ASAP1: variants seen among roughly 807,000 people sequenced by gnomAD.
The protein encoded by ASAP1 is arf-GAP with SH3 domain, ANK repeat and PH domain-containing protein 1.
A neutral mutation model predicts 145.2 loss-of-function variants in ASAP1; 43 were observed. The ratio of observed to expected loss-of-function variants is 0.30; its 90% confidence interval spans 0.23 to 0.38. ASAP1 has a LOEUF of 0.38. ASAP1 is among the 10% of genes least tolerant of loss of function. The pLI, the probability that ASAP1 is intolerant of heterozygous loss-of-function variation, is 1.00. For synonymous variants in ASAP1, 546 were observed against 515.5 expected (o/e 1.06, Z -0.80); for missense variants, 1,018 against 1,355.3 (o/e 0.75, Z 3.91).
rs1388974155 is a variant in ASAP1 at position 130,124,111 on chromosome 8, C to G, written c.1516-7G>C. 4.4e-6 allele frequency: 7 copies of G among 1,585,260 alleles called. No homozygotes were observed. In the African/African-American group the frequency reaches 8.2e-5, roughly 19 times the overall value. On this transcript the variant is annotated splice_polypyrimidine_tract_variant and splice_region_variant and intron_variant, in intron 17 of 29. Coordinates refer to ENST00000518721, the MANE Select transcript of ASAP1 (RefSeq NM_018482.4). ...TTCCTACATTCTTGGCCAGCTGTAA[C>G]AGAAAAAACAAACAACCACAATATA...
intron 1 of ASAP1, among the ~76,000 whole-genome samples, chr8:130,413,787 C>G (rs992351167): frequency 6.6e-6 from 1 of 152,200 alleles, no homozygotes; most frequent in Admixed American, 6.5e-5. Flanking sequence ...AAAAGGAGAT[C>G]AGTTCCTCAC....
At chr8:130,285,308 C>T (rs986599636) in intron 3 of ASAP1, among the ~76,000 whole-genome samples, 1 of 151,924 alleles carries the variant, frequency 6.6e-6, no homozygotes, top group Non-Finnish European at 1.5e-5. Context: ...GAGTTGTAAA[C>T]CACCAAGTTG....
At chr8:130,083,306 C>A (rs1205900642) in intron 25 of ASAP1, 1 of 152,180 alleles carries the variant, frequency 6.6e-6, no homozygotes, top group Non-Finnish European at 1.5e-5. Flanking sequence ...GTTCCTTTTC[C>A]CTGCAAGGAA....
chr8:130,396,154 G>C (rs1266094181), intron 2 of ASAP1, among the ~76,000 whole-genome samples: 1 of 152,200 alleles, frequency 6.6e-6, no homozygotes, highest in African/African-American at 2.4e-5. Context: ...AAAAAATAAA[G>C]TATACATGTA....
chr8:130,286,253 T>C (rs1821604861), intron 3 of ASAP1, among the ~76,000 whole-genome samples: 1 of 152,196 alleles, frequency 6.6e-6, no homozygotes, highest in Non-Finnish European at 1.5e-5. Context: ...AAATAGGCTT[T>C]GGCGAAAACT....
chr8:130,146,193 G>A (rs7826683), intron 13 of ASAP1, among the ~76,000 whole-genome samples: 360 of 152,034 alleles, frequency 2.4e-3, no homozygotes, highest in African/African-American at 8.3e-3. Flanking sequence ...GTGGGCAGGA[G>A]GTAACATCAC....
At chr8:130,440,263 C>A (rs929408208) in intron 1 of ASAP1, among the ~76,000 whole-genome samples, 1 of 152,118 alleles carries the variant, frequency 6.6e-6, no homozygotes, top group African/African-American at 2.4e-5. Flanking sequence ...TCAAAAATGT[C>A]CATCAGGCTG....
chr8:130,165,075 A>G (rs2097677214), intron 11 of ASAP1, among the ~76,000 whole-genome samples: 1 of 152,224 alleles, frequency 6.6e-6, no homozygotes, highest in South Asian at 2.1e-4. Context: ...GCAAGGTACT[A>G]ATGAAAACTC....
chr8:130,282,890 C>T (rs1435479795), intron 3 of ASAP1, among the ~76,000 whole-genome samples: 4 of 152,118 alleles, frequency 2.6e-5, no homozygotes, highest in African/African-American at 4.8e-5. Context: ...GAGTGGGTTT[C>T]GCTGCGGCAA....
rs1262048773 is a variant in ASAP1 at position 130,275,397 on chromosome 8, T to C, written c.187-38403A>G. Among the ~76,000 whole-genome samples the C allele has an allele frequency of 3.3e-5, 5 of 152,342 alleles. No homozygotes were observed. In the South Asian group the frequency reaches 8.3e-4, roughly 25 times the overall value. ...TAATAATGGCTTTGGGCAGCAGCAC[T>C]TACGTACTTTCAGATGGATGACCCA... On this transcript the variant is annotated intron_variant, in intron 3 of 29. Coordinates refer to ENST00000518721, the MANE Select transcript of ASAP1 (RefSeq NM_018482.4).
intron 27 of ASAP1, among the ~76,000 whole-genome samples, chr8:130,067,549 C>T (rs2097433188): frequency 6.6e-6 from 1 of 152,182 alleles, no homozygotes; most frequent in African/African-American, 2.4e-5. Context: ...GTGCGGACCA[C>T]CACACTCTGC....
chr8:130,261,709 T>A (rs1381383693), intron 3 of ASAP1, among the ~76,000 whole-genome samples: 2 of 152,070 alleles, frequency 1.3e-5, no homozygotes, highest in Non-Finnish European at 2.9e-5. Context: ...TGATACACAA[T>A]ACAATCTTGA....
chr8:130,111,546 T>C (rs997144168), intron 24 of ASAP1, among the ~76,000 whole-genome samples: 1 of 152,178 alleles, frequency 6.6e-6, no homozygotes, highest in African/African-American at 2.4e-5. Flanking sequence ...CCTACCTCAT[T>C]TTGAGATGAT....
intron 3 of ASAP1, among the ~76,000 whole-genome samples, chr8:130,324,440 T>C (rs1053710701): frequency 2.6e-5 from 4 of 152,172 alleles, no homozygotes; most frequent in African/African-American, 9.7e-5. Flanking sequence ...AAAGAAGTAA[T>C]TTTTTAAAAG....
chr8:130,390,945 C>A (rs1286167382), intron 2 of ASAP1, among the ~76,000 whole-genome samples: 8 of 149,934 alleles, frequency 5.3e-5, no homozygotes, highest in African/African-American at 1.7e-4. Flanking sequence ...CCCCGCCCCC[C>A]CAAAATTGAA....
Position 130,094,929 on chromosome 8 carries a change from T to C in ASAP1, c.2402-2786A>G, listed in dbSNP as rs188908049. 1.1e-4 allele frequency among the ~76,000 whole-genome samples: 16 copies of C among 152,160 alleles called. No individual in the cohort carries two copies. The East Asian group carries it at 2.3e-3, about 22-fold the overall frequency. On this transcript the variant is annotated intron_variant, in intron 24 of 29. Coordinates refer to ENST00000518721, the MANE Select transcript of ASAP1 (RefSeq NM_018482.4). ...GCAGTTCCCTGCTAGGAAACAAAAA[T>C]TGTCAAAGACAAAATGCTAATGGAG...
chr8:130,126,131 C>G, intron 16 of ASAP1, 42 bp from the exon 17 acceptor site: 1 of 1,575,400 alleles, frequency 6.3e-7, no homozygotes, highest in Non-Finnish European at 8.6e-7. Flanking sequence ...AAAAAGACAT[C>G]TAATTTTAGT....
intron 3 of ASAP1, among the ~76,000 whole-genome samples, chr8:130,316,805 G>A (rs144097978): frequency 7.2e-5 from 11 of 152,310 alleles, no homozygotes; most frequent in Admixed American, 2.0e-4. Flanking sequence ...ATAAACTATC[G>A]CATTTAAGCT....
At chr8:130,163,373 T>TA (rs1240182628) in intron 11 of ASAP1, among the ~76,000 whole-genome samples, 3 of 152,228 alleles carry the variant, frequency 2.0e-5, no homozygotes, top group African/African-American at 7.2e-5. Flanking sequence ...AAGTAAACCT[T>TA]AAATTCTGAA....
Sources: gnomAD v4.1 joint callset for allele counts (sites outside exome capture counted in the v4.1 genomes callset) on GRCh38, gnomAD v4.1.1 for gene constraint, MANE v1.5 for transcripts, NCBI Gene and HGNC (gene_info 2026-07-23, HGNC 2026-07-21) for gene names.